DHX58: variants seen among roughly 807,000 people sequenced by gnomAD.
DHX58 encodes DExH-box helicase 58, also known as ATP-dependent RNA helicase DHX58.
Under a neutral mutation model 65.0 loss-of-function variants are expected in DHX58, and 51 were observed. The observed-to-expected ratio is 0.78, with a 90% CI of 0.63 to 0.99. The LOEUF is 0.99. Ranked by LOEUF, DHX58 falls within the 50% of genes least tolerant of loss-of-function variation. DHX58 has a pLI of 0.00. For missense variants in DHX58, 773 were observed against 891.8 expected (o/e 0.87, Z 1.70); for synonymous variants, 350 against 365.0 (o/e 0.96, Z 0.47).
intron 3 of DHX58, 56 bp from the exon 4 acceptor site, chr17:42,111,553 G>T (rs1260108782): frequency 6.2e-7 from 1 of 1,604,786 alleles, no homozygotes; most frequent in African/African-American, 1.3e-5. Flanking sequence ...CAGGGGTAGG[G>T]AGGCGGTAAG....
rs1419385605 is a variant in DHX58 at position 42,112,391 on chromosome 17, C to G, written c.-94-186G>C. On this transcript the variant is annotated intron_variant, in intron 1 of 13. Coordinates refer to ENST00000251642, the MANE Select transcript of DHX58 (RefSeq NM_024119.3). The stretch of plus-strand genomic sequence containing the variant: ...TGATCACCTCCCATTGGTAGGGCCA[C>G]AGCTCCATTCTGGGAATGGCAGGGG... The G allele has an allele frequency of 1.4e-5, 4 of 293,854 alleles. No homozygotes were observed. In the East Asian group the frequency reaches 4.5e-4, roughly 33 times the overall value. The allele number at this position is 293,854 out of a possible 1,614,324, so 18.2% of individuals were successfully genotyped here.
chr17:42,109,522 G>T, intron 5 of DHX58, 136 bp from the exon 6 acceptor site: 1 of 684,104 alleles, frequency 1.5e-6, no homozygotes, highest in Non-Finnish European at 2.4e-6. Flanking sequence ...CGCCCTCTCT[G>T]TGCCCGTCTT....
chr17:42,106,651 T>TAACCCGGGAGGCG (rs2054065001), intron 8 of DHX58, among the ~76,000 whole-genome samples: 60 of 149,448 alleles, frequency 4.0e-4, no homozygotes, highest in South Asian at 8.5e-4. Flanking sequence ...TACAAAAAAA[T>TAACCCGGGAGGCG]TAGCTGGGCG....
At position 42,105,607 on chromosome 17, in the gene DHX58, G is replaced by C; in HGVS notation, c.1251+129C>G. Reference sequence around the variant, plus strand: ...CCCCTAGCTCCTTGCCCCTCTGCCTGGGGATAGTCAACTTTCTCTTTCCCC... The same window carrying C: ...CCCCTAGCTCCTTGCCCCTCTGCCTCGGGATAGTCAACTTTCTCTTTCCCC... On this transcript the variant is annotated intron_variant, in intron 9 of 13. Coordinates refer to ENST00000251642, the MANE Select transcript of DHX58 (RefSeq NM_024119.3). The C allele has an allele frequency of 2.7e-6, 4 of 1,468,818 alleles. No homozygotes were observed. The South Asian group carries it at 5.7e-5, about 21-fold the overall frequency. The allele number at this position is 1,468,818 out of a possible 1,614,324, so 91.0% of individuals were successfully genotyped here.
rs1457794386 is a variant in DHX58 at position 42,108,124 on chromosome 17, G to A, written c.679-16C>T. ...CAAACGGATCCTGAGCAAGAGGAGA[G>A]TTGGAGGGGATTCCCATACACGTTG... On this transcript the variant is annotated splice_polypyrimidine_tract_variant and intron_variant, in intron 6 of 13. Transcript: ENST00000251642. 1 of 1,614,206 alleles carries A rather than the reference G, an allele frequency of 6.2e-7. No individual in the cohort carries two copies. The highest frequency in any genetic ancestry group is 8.5e-7 in the Non-Finnish European group (1 of 1,180,042).
At position 42,101,504 on chromosome 17, in the gene DHX58, A is replaced by G; in HGVS notation, c.*257T>C. On this transcript the variant is annotated 3_prime_UTR_variant, in exon 14 of 14. Coordinates refer to ENST00000251642, the MANE Select transcript of DHX58 (RefSeq NM_024119.3). ...TCGTGATTCTGAGTACAGTATGGCA[A>G]ATTCTTTTGCCTCAGTTTCCCTAAC... The G allele has an allele frequency of 2.7e-6, 1 of 376,290 alleles. No homozygotes were observed. The highest frequency in any genetic ancestry group is 4.2e-5 in the East Asian group (1 of 23,920). The allele number at this position is 376,290 out of a possible 1,614,324, so 23.3% of individuals were successfully genotyped here.
At chr17:42,102,065 G>T in intron 13 of DHX58, 119 bp from the exon 14 acceptor site, 1 of 1,441,796 alleles carries the variant, frequency 6.9e-7, no homozygotes, top group Non-Finnish European at 9.5e-7. Flanking sequence ...GTCACAGACT[G>T]TGGGCTCCCT....
rs1198726090 is a variant in DHX58, at chr17:42,107,360, C to T, written c.997+244G>A. Among the ~76,000 whole-genome samples the T allele has an allele frequency of 5.6e-5, 7 of 124,800 alleles. No individual in the cohort carries two copies. The South Asian group carries it at 9.0e-4, about 16-fold the overall frequency. 81.9% of individuals were successfully genotyped at this position (124,800 alleles called of 152,430 possible). A position where few individuals can be genotyped will look rare whatever the true frequency, so the allele number is the denominator to read the frequency against. ...CAGCCTGGGTGACAGAGCAAGACCC[C>T]GACTATTAAAAAAAAAAAAAAAGTC... On this transcript the variant is annotated intron_variant, in intron 8 of 13. Transcript: ENST00000251642.
intron 11 of DHX58, 58 bp from the exon 12 acceptor site, chr17:42,103,856 A>G: frequency 6.5e-7 from 1 of 1,539,118 alleles, no homozygotes; most frequent in Non-Finnish European, 8.7e-7. Flanking sequence ...TCCTTGGGGG[A>G]CAAAAGGTTC....
rs782806056 is a variant in DHX58, at chr17:42,101,768, A to G, written c.2030T>C (p.Leu677Pro). 1.2e-6 allele frequency: 2 copies of G among 1,614,124 alleles called. No homozygotes were observed. The highest frequency in any genetic ancestry group is 1.7e-6 in the Non-Finnish European group (2 of 1,180,014). ...ACTGCAGCAATGAGGTGGTCAGTCC[A>G]GGGAGAGGTCCGACAAGTTCTCGGC... ...HCAENLSDLS[L>P]D The change falls in exon 14 of 14, where the codon CTG (leucine) becomes CCG (proline). Residue 677 changes from leucine to proline, a missense_variant. Coordinates refer to ENST00000251642, the MANE Select transcript of DHX58 (RefSeq NM_024119.3).
chr17:42,110,450 T>C (rs2054132020), intron 5 of DHX58, among the ~76,000 whole-genome samples: 1 of 152,008 alleles, frequency 6.6e-6, no homozygotes. Flanking sequence ...GGCAGGCCAG[T>C]GTAACTGTAG....
intron 5 of DHX58, among the ~76,000 whole-genome samples, chr17:42,109,890 CAA>C (rs869283831): frequency 8.6e-5 from 9 of 104,680 alleles, no homozygotes; most frequent in Admixed American, 1.1e-4. Flanking sequence ...GACTCCGTCT[CAA>C]AAAAAAAAAA....
intron 5 of DHX58, among the ~76,000 whole-genome samples, chr17:42,109,768 G>A (rs973013723): frequency 2.6e-5 from 4 of 151,958 alleles, no homozygotes; most frequent in Admixed American, 6.5e-5. Context: ...GGTGGCACGC[G>A]CCTGTAGTCT....
intron 7 of DHX58, 90 bp downstream of exon 7, chr17:42,107,892 A>C: frequency 6.3e-7 from 1 of 1,580,490 alleles, no homozygotes; most frequent in Non-Finnish European, 8.6e-7. Flanking sequence ...TGGGGTGGAT[A>C]GGCCCCGCCC....
chr17:42,111,139 G>A (rs2054144139), intron 4 of DHX58, among the ~76,000 whole-genome samples, 157 bp downstream of exon 4: 1 of 152,138 alleles, frequency 6.6e-6, no homozygotes, highest in South Asian at 2.1e-4. Context: ...ACGATAGCCC[G>A]GCCTGTTTCT....
At position 42,103,800 on chromosome 17, in the gene DHX58, T is replaced by G. The variant is rs2054014104; in HGVS notation, c.1564-2A>C. On this transcript the variant is annotated splice_acceptor_variant, in intron 11 of 13. Transcript: ENST00000251642. LOFTEE classifies it high-confidence loss of function. ...GGCTGCCTGCTGCAGATCCCGGATC[T>G]GGGGTGGGAGGAGACACCAGGCATG... 1.9e-6 allele frequency: 3 copies of G among 1,602,716 alleles called. No individual in the cohort carries two copies. The highest frequency in any genetic ancestry group is 2.5e-6 in the Non-Finnish European group (3 of 1,178,060).
At chr17:42,108,510 G>A (rs2054099590) in intron 6 of DHX58, among the ~76,000 whole-genome samples, 1 of 152,238 alleles carries the variant, frequency 6.6e-6, no homozygotes. Flanking sequence ...GCTGTTCACG[G>A]AGCTTGGTTC....
intron 11 of DHX58, 132 bp downstream of exon 11, chr17:42,104,634 T>A: frequency 1.6e-6 from 2 of 1,249,410 alleles, no homozygotes; most frequent in Non-Finnish European, 2.2e-6. Flanking sequence ...TATTTAAACC[T>A]TCCCTAGGTG....
chr17:42,102,355 TCAGCCCC>T, intron 12 of DHX58, 43 bp from the exon 13 acceptor site: 2 of 1,557,570 alleles, frequency 1.3e-6, no homozygotes, highest in Non-Finnish European at 1.8e-6. Flanking sequence ...TTGACCCTCC[TCAGCCCC>T]GGATCTCATG....
Sources: gnomAD v4.1 joint callset for allele counts (sites outside exome capture counted in the v4.1 genomes callset) on GRCh38, gnomAD v4.1.1 for gene constraint, MANE v1.5 for transcripts, NCBI Gene and HGNC (gene_info 2026-07-23, HGNC 2026-07-21) for gene names.